Variants in PCCA observed in about 807,000 individuals in gnomAD.
The protein encoded by PCCA is propionyl-CoA carboxylase subunit alpha.
Under a neutral mutation model 101.3 loss-of-function variants are expected in PCCA, and 74 were observed. The observed-to-expected ratio is 0.73, with a 90% CI of 0.61 to 0.89. The LOEUF is 0.89. PCCA is among the 40% of genes least tolerant of loss of function. The pLI is 0.00. For missense variants in PCCA, 891 were observed against 907.0 expected, an observed-to-expected ratio of 0.98 and a Z score of 0.23; for synonymous variants, 294 against 313.6, an observed-to-expected ratio of 0.94 and a Z score of 0.66.
chr13:100,423,630 T>C (rs1019260030), intron 19 of PCCA, among the ~76,000 whole-genome samples: 1 of 152,118 alleles, frequency 6.6e-6, no homozygotes, highest in Non-Finnish European at 1.5e-5. Context: ...AAATGTAGTG[T>C]ATTTTCTATC....
chr13:100,096,803 G>A (rs903045498), intron 1 of PCCA, among the ~76,000 whole-genome samples: 3 of 152,182 alleles, frequency 2.0e-5, no homozygotes, highest in African/African-American at 4.8e-5. Flanking sequence ...CTAATCCAGC[G>A]CAAGGTCCTC....
chr13:100,092,585 G>C (rs1294121894), intron 1 of PCCA, among the ~76,000 whole-genome samples: 4 of 151,752 alleles, frequency 2.6e-5, no homozygotes, highest in Non-Finnish European at 4.4e-5. Flanking sequence ...GTAGAGATGG[G>C]GTTTTGCTAT....
chr13:100,249,736 C>T (rs1055886804), intron 8 of PCCA, among the ~76,000 whole-genome samples: 1 of 152,114 alleles, frequency 6.6e-6, no homozygotes, highest in Non-Finnish European at 1.5e-5. Context: ...TTTAGATTTT[C>T]ATCCATTTCT....
chr13:100,483,902 G>C (rs191448570), intron 21 of PCCA, among the ~76,000 whole-genome samples: 10 of 152,266 alleles, frequency 6.6e-5, no homozygotes, highest in African/African-American at 2.4e-4. Flanking sequence ...TCCATTGATG[G>C]GACATTATTA....
intron 20 of PCCA, among the ~76,000 whole-genome samples, chr13:100,442,774 G>A (rs2080474814): frequency 6.6e-6 from 1 of 152,196 alleles, no homozygotes; most frequent in Non-Finnish European, 1.5e-5. Flanking sequence ...CTTTAGCAAG[G>A]ATGGCTAGGA....
chr13:100,101,992 A>T (rs1251380409), intron 1 of PCCA, among the ~76,000 whole-genome samples: 1 of 152,182 alleles, frequency 6.6e-6, no homozygotes, highest in East Asian at 1.9e-4. Context: ...TTATCATCTT[A>T]GAAAGTTCTA....
At chr13:100,282,454 G>A (rs757639591) in intron 12 of PCCA, among the ~76,000 whole-genome samples, 5 of 152,204 alleles carry the variant, frequency 3.3e-5, no homozygotes, top group Non-Finnish European at 2.9e-5. Flanking sequence ...AGGGAGAGGC[G>A]CAAGCTGGAA....
At chr13:100,451,190 C>CT (rs1195977841) in intron 21 of PCCA, among the ~76,000 whole-genome samples, 3 of 151,466 alleles carry the variant, frequency 2.0e-5, no homozygotes, top group East Asian at 3.9e-4. Flanking sequence ...CTGCTAAACT[C>CT]TAAGTCTACT....
At chr13:100,182,192 G>A (rs1418969055) in intron 6 of PCCA, among the ~76,000 whole-genome samples, 7 of 141,316 alleles carry the variant, frequency 5.0e-5, no homozygotes, top group South Asian at 2.3e-4. Flanking sequence ...CCACCTCCCC[G>A]TTCAAGCGAT....
rs1288497432 is a variant in PCCA, at chr13:100,155,087, C to A, written c.409C>A (p.Gln137Lys). 1.2e-6 allele frequency: 2 copies of A among 1,602,836 alleles called. No homozygotes were observed. Among genetic ancestry groups the A allele is most frequent in the Non-Finnish European group, 1.7e-6 (2 of 1,169,994 alleles). ...IMEAIKKTRA[Q>K]AVHPGYGFLS... The stretch of plus-strand genomic sequence containing the variant: ...GGAAGCCATTAAGAAAACCAGGGCC[C>A]AAGCTGTGAGTCTGAATGAATCTAT... The change falls in exon 5 of 24, where the codon CAA (glutamine) becomes AAA (lysine). Residue 137 changes from glutamine (Q) to lysine (K), a missense_variant. Physicochemically the swap from Gln to Lys is moderately conservative, Grantham distance 53. Transcript: ENST00000376285.
chr13:100,495,880 A>G (rs558042899), intron 21 of PCCA, among the ~76,000 whole-genome samples: 53 of 152,382 alleles, frequency 3.5e-4, no homozygotes, highest in African/African-American at 1.3e-3. Context: ...TTGCAAAACA[A>G]TAATACAAAG....
At chr13:100,142,506 G>T in intron 4 of PCCA, among the ~76,000 whole-genome samples, 1 of 139,836 alleles carries the variant, frequency 7.2e-6, no homozygotes, top group African/African-American at 2.8e-5. Context: ...ATGGAGTCTT[G>T]CTCTGTCTCC....
chr13:100,325,383 A>G (rs950828307), intron 16 of PCCA, among the ~76,000 whole-genome samples: 4 of 150,298 alleles, frequency 2.7e-5, no homozygotes, highest in African/African-American at 9.7e-5. Flanking sequence ...AATTTTAGAA[A>G]GAGATTTGGC....
At chr13:100,245,003 CAT>C (rs1445097738) in intron 8 of PCCA, among the ~76,000 whole-genome samples, 1 of 150,698 alleles carries the variant, frequency 6.6e-6, no homozygotes, top group Non-Finnish European at 1.5e-5. Context: ...TAGACTCCAA[CAT>C]ATATATGTTT....
At chr13:100,495,987 T>C (rs2085248465) in intron 21 of PCCA, among the ~76,000 whole-genome samples, 1 of 151,324 alleles carries the variant, frequency 6.6e-6, no homozygotes, top group Admixed American at 6.6e-5. Context: ...CTCTCTCTCT[T>C]CCCACCTCCA....
chr13:100,314,211 C>T (rs192197017), intron 16 of PCCA, among the ~76,000 whole-genome samples: 12 of 152,178 alleles, frequency 7.9e-5, no homozygotes, highest in Middle Eastern at 3.4e-3. Context: ...TTACTATTAT[C>T]AGTTTATTAT....
At chr13:100,342,468 A>T (rs917987628) in intron 18 of PCCA, among the ~76,000 whole-genome samples, 5 of 151,746 alleles carry the variant, frequency 3.3e-5, no homozygotes, top group Non-Finnish European at 7.4e-5. Flanking sequence ...GGGTTTCACC[A>T]TGTTGGCCAG....
At chr13:100,496,288 G>A (rs1405986575) in intron 21 of PCCA, among the ~76,000 whole-genome samples, 5 of 152,156 alleles carry the variant, frequency 3.3e-5, no homozygotes, top group African/African-American at 1.2e-4. Context: ...TTATTTTCTG[G>A]CCCAGGATCC....
intron 12 of PCCA, among the ~76,000 whole-genome samples, chr13:100,280,147 G>T (rs1179874813): frequency 6.6e-6 from 1 of 151,918 alleles, no homozygotes; most frequent in Non-Finnish European, 1.5e-5. Flanking sequence ...TGCATTAATA[G>T]TTGGTTCCGT....
Sources: gnomAD v4.1 joint callset for allele counts (sites outside exome capture counted in the v4.1 genomes callset) on GRCh38, gnomAD v4.1.1 for gene constraint, MANE v1.5 for transcripts, NCBI Gene and HGNC (gene_info 2026-07-23, HGNC 2026-07-21) for gene names.